The following STPG2 variants were observed in gnomAD, a reference collection of about 807,000 sequenced individuals.
STPG2 encodes sperm tail PG-rich repeat containing 2, also known as sperm-tail PG-rich repeat-containing protein 2.
In STPG2, 56 loss-of-function variants were observed where a neutral mutation model predicts 54.2. The ratio of observed to expected loss-of-function variants is 1.03; its 90% CI spans 0.83 to 1.29. The LOEUF (loss-of-function observed/expected upper bound fraction) is 1.29, where lower values mean the gene tolerates loss of function less well. Among genes scored for constraint, STPG2 ranks in the 50% most tolerant of loss-of-function variants. The pLI, the probability that STPG2 is intolerant of heterozygous loss-of-function variation, is 0.00. For missense variants in STPG2, 596 were observed against 544.9 expected (o/e 1.09, Z -0.93); for synonymous variants, 200 against 181.8 (o/e 1.10, Z -0.81).
chr4:97,814,221 G>A (rs893614370), intron 9 of STPG2, among the ~76,000 whole-genome samples: 1 of 152,142 alleles, frequency 6.6e-6, no homozygotes, highest in Non-Finnish European at 1.5e-5. Flanking sequence ...AAGATGAAAT[G>A]ACCAAAACAA....
chr4:98,013,670 TATG>T (rs948248109), intron 5 of STPG2, among the ~76,000 whole-genome samples: 1 of 148,252 alleles, frequency 6.7e-6, no homozygotes, highest in African/African-American at 2.5e-5. Context: ...TATTCAGGGA[TATG>T]ATTTCTTCAT....
At chr4:97,891,955 A>T (rs1730788372) in intron 8 of STPG2, among the ~76,000 whole-genome samples, 1 of 152,058 alleles carries the variant, frequency 6.6e-6, no homozygotes, top group South Asian at 2.1e-4. Context: ...GCTATCTGGT[A>T]TGTAGTAGAG....
intron 10 of STPG2, among the ~76,000 whole-genome samples, chr4:97,638,149 T>C (rs1232057333): frequency 6.6e-6 from 1 of 151,998 alleles, no homozygotes; most frequent in Non-Finnish European, 1.5e-5. Context: ...AACAGAGATA[T>C]AGATCAATGG....
chr4:97,691,731 G>A (rs545530459), intron 10 of STPG2, among the ~76,000 whole-genome samples: 16 of 152,264 alleles, frequency 1.1e-4, no homozygotes, highest in African/African-American at 3.9e-4. Flanking sequence ...CCTGGCTGGA[G>A]GCAAAACGAT....
At chr4:97,752,078 T>A (rs1725597125) in intron 9 of STPG2, among the ~76,000 whole-genome samples, 1 of 151,746 alleles carries the variant, frequency 6.6e-6, no homozygotes, top group South Asian at 2.1e-4. Context: ...AATGAAGAAA[T>A]CACTTCTTAT....
chr4:97,583,847 AC>A (rs1732925200), intron 10 of STPG2, among the ~76,000 whole-genome samples: 1 of 151,920 alleles, frequency 6.6e-6, no homozygotes, highest in Admixed American at 6.6e-5. Context: ...ATATATATGC[AC>A]CTAACATGGG....
At chr4:97,955,740 G>A (rs1467663154) in intron 7 of STPG2, among the ~76,000 whole-genome samples, 1 of 151,924 alleles carries the variant, frequency 6.6e-6, no homozygotes, top group Non-Finnish European at 1.5e-5. Flanking sequence ...ACACATCAAA[G>A]GTTAAAAACC....
chr4:97,738,274 C>T (rs933681418), intron 9 of STPG2, among the ~76,000 whole-genome samples: 1 of 152,108 alleles, frequency 6.6e-6, no homozygotes, highest in African/African-American at 2.4e-5. Context: ...ATTGTAAAGA[C>T]CATCGAGGCT....
chr4:97,612,361 G>GT (rs1733752676), intron 10 of STPG2, among the ~76,000 whole-genome samples: 1 of 151,698 alleles, frequency 6.6e-6, no homozygotes, highest in African/African-American at 2.4e-5. Flanking sequence ...GAAGGAATCA[G>GT]TATAACCATT....
chr4:97,729,558 ACT>A (rs1259785302), intron 9 of STPG2, among the ~76,000 whole-genome samples: 1 of 152,152 alleles, frequency 6.6e-6, no homozygotes, highest in African/African-American at 2.4e-5. Context: ...GTCTCTGCAG[ACT>A]CTGAATTTTG....
chr4:97,635,493 T>C (rs1325933569), intron 10 of STPG2, among the ~76,000 whole-genome samples: 1 of 152,124 alleles, frequency 6.6e-6, no homozygotes, highest in Non-Finnish European at 1.5e-5. Flanking sequence ...CATAACCCTA[T>C]TAACTTTAAA....
intron 10 of STPG2, among the ~76,000 whole-genome samples, chr4:97,564,370 G>T (rs1372580791): frequency 6.6e-6 from 1 of 152,190 alleles, no homozygotes; most frequent in Non-Finnish European, 1.5e-5. Context: ...ACACTGATGG[G>T]TCTTGACTCT....
chr4:97,878,680 T>C (rs1397820029), intron 8 of STPG2, among the ~76,000 whole-genome samples: 1 of 152,184 alleles, frequency 6.6e-6, no homozygotes, highest in Non-Finnish European at 1.5e-5. Flanking sequence ...TCCTGGCCTC[T>C]GGGTCTGTGA....
At chr4:97,442,670 GA>G (rs1729119878) in intron 4 of STPG2, among the ~76,000 whole-genome samples, 1 of 152,128 alleles carries the variant, frequency 6.6e-6, no homozygotes, top group Admixed American at 6.6e-5. Flanking sequence ...GCTTCGAATG[GA>G]AGTGAGCATG....
At chr4:98,084,284 G>C (rs1738441712) in intron 5 of STPG2, among the ~76,000 whole-genome samples, 1 of 152,072 alleles carries the variant, frequency 6.6e-6, no homozygotes, top group African/African-American at 2.4e-5. Context: ...CATTCTATAG[G>C]TAGTTCTTTA....
intron 4 of STPG2, among the ~76,000 whole-genome samples, chr4:97,474,485 T>C (rs1730023912): frequency 6.6e-6 from 1 of 152,172 alleles, no homozygotes; most frequent in South Asian, 2.1e-4. Context: ...TAACTTTTAG[T>C]GGCTTTGAAC....
In STPG2 at chr4:98,081,419, TA is replaced by T. The variant is rs201476195; in HGVS notation, c.612+24533del. Among the ~76,000 whole-genome samples, 36 of 125,468 alleles carry T rather than the reference TA, an allele frequency of 2.9e-4. No individual in the cohort carries two copies. In the East Asian group the frequency reaches 7.7e-3, roughly 27 times the overall value. The allele number at this position is 125,468 out of a possible 152,430, so 82.3% of individuals were successfully genotyped here. ...GCATGAGTCAAGGGAAAATGAGAGATAAAAGCTAAGGGGGTTCTCTTGTGAA... is the reference window on the plus strand; with the variant it reads ...GCATGAGTCAAGGGAAAATGAGAGATAAAGCTAAGGGGGTTCTCTTGTGAA... On this transcript the variant is annotated intron_variant, in intron 5 of 10. Transcript: ENST00000295268.
At chr4:97,694,375 C>A (rs969875170) in intron 10 of STPG2, among the ~76,000 whole-genome samples, 1 of 151,772 alleles carries the variant, frequency 6.6e-6, no homozygotes, top group African/African-American at 2.4e-5. Flanking sequence ...TCATTCAAGG[C>A]TGCTATGAAC....
intron 4 of STPG2, among the ~76,000 whole-genome samples, chr4:97,551,488 A>G (rs1326013939): frequency 1.3e-5 from 2 of 152,196 alleles, no homozygotes; most frequent in East Asian, 3.9e-4. Flanking sequence ...CATTCACACA[A>G]CTAAATACAA....
Sources: gnomAD v4.1 joint callset for allele counts (sites outside exome capture counted in the v4.1 genomes callset) on GRCh38, gnomAD v4.1.1 for gene constraint, MANE v1.5 for transcripts, NCBI Gene and HGNC (gene_info 2026-07-23, HGNC 2026-07-21) for gene names.